Variants in SLC27A4 observed in about 807,000 individuals in gnomAD.
The protein encoded by SLC27A4 is long-chain fatty acid transport protein 4.
A neutral mutation model predicts 64.4 loss-of-function variants in SLC27A4; 33 were observed. The ratio of observed to expected loss-of-function variants is 0.51; its 90% CI spans 0.39 to 0.68. The LOEUF (loss-of-function observed/expected upper bound fraction) is 0.68. Among genes scored for constraint, SLC27A4 ranks in the 30% least tolerant of loss-of-function variants. The probability of loss-of-function intolerance (pLI) is 0.00; values close to 1 mark genes in which losing one functional copy is unlikely to be tolerated. For missense variants in SLC27A4, 824 were observed against 883.5 expected (o/e 0.93, Z 0.85); for synonymous variants, 377 against 370.0 (o/e 1.02, Z -0.22).
intron 12 of SLC27A4, among the ~76,000 whole-genome samples, chr9:128,356,138 G>C (rs1832817640): frequency 6.6e-6 from 1 of 152,188 alleles, no homozygotes; most frequent in Non-Finnish European, 1.5e-5. Context: ...CATGAGATTA[G>C]AGTTAAACAG....
chr9:128,357,073 TACAGAGTGAGACTCCGTCTCAAA>T (rs1832830753), intron 12 of SLC27A4, among the ~76,000 whole-genome samples: 1 of 75,432 alleles, frequency 1.3e-5, no homozygotes, highest in African/African-American at 5.3e-5. Flanking sequence ...CAGCTTGGGC[TACAGAGTGAGACTCCGTCTCAAA>T]AAAAAAAAAA....
intron 4 of SLC27A4, 95 bp from the exon 5 acceptor site, chr9:128,350,217 G>A (rs1832712168): frequency 3.2e-6 from 3 of 940,108 alleles, no homozygotes; most frequent in Non-Finnish European, 5.2e-6. Context: ...ATGGGAACAG[G>A]TGTTGAAGGG....
chr9:128,342,194 C>T (rs755584893), intron 1 of SLC27A4: 18 of 1,550,338 alleles, frequency 1.2e-5, no homozygotes, highest in Admixed American at 5.0e-5. Flanking sequence ...AGACTTCGCT[C>T]GTTCTCGCAT....
chr9:128,354,032 C>T (rs981455264), intron 9 of SLC27A4, among the ~76,000 whole-genome samples: 5 of 151,930 alleles, frequency 3.3e-5, no homozygotes, highest in East Asian at 1.9e-4. Flanking sequence ...CGTGAGCCAC[C>T]GCGCCCGGCC....
At chr9:128,343,085 A>G in intron 1 of SLC27A4, 42 bp from the exon 2 acceptor site, 1 of 1,610,284 alleles carries the variant, frequency 6.2e-7, no homozygotes, top group Non-Finnish European at 8.5e-7. Flanking sequence ...GGAGACCTGG[A>G]GGGTTGGGTG....
chr9:128,357,889 CG>C (rs1003222959), intron 12 of SLC27A4, among the ~76,000 whole-genome samples: 2 of 152,134 alleles, frequency 1.3e-5, no homozygotes, highest in Non-Finnish European at 2.9e-5. Flanking sequence ...CCTAAAGCAT[CG>C]GGGAGGGTTT....
At position 128,355,464 on chromosome 9, in the gene SLC27A4, G is replaced by C. The variant is rs764219842; in HGVS notation, c.1529G>C (p.Arg510Pro). The change falls in exon 11 of 13, where the codon CGC becomes CCC. Residue 510 changes from arginine to proline, a missense_variant. Physicochemically the swap from Arg to Pro is moderately radical, Grantham distance 103 (BLOSUM62 -2). Transcript: ENST00000300456. ...YFRDRTGDTF[R>P]WKGENVSTTE... The stretch of plus-strand genomic sequence containing the variant: ...CGAGACCGCACTGGGGACACGTTCC[G>C]CTGGAAAGGTGAGAACGTGTCCACC... 1 of 1,613,640 alleles carries C rather than the reference G, an allele frequency of 6.2e-7. No individual in the cohort carries two copies. Among genetic ancestry groups the C allele is most frequent in the Non-Finnish European group, 8.5e-7 (1 of 1,180,036 alleles).
chr9:128,342,601 G>A (rs547428791), intron 1 of SLC27A4: 3 of 490,440 alleles, frequency 6.1e-6, no homozygotes, highest in African/African-American at 5.9e-5. Flanking sequence ...GGAAGAAGTG[G>A]GGTGGGACGA....
At chr9:128,357,220 C>A (rs1444509485) in intron 12 of SLC27A4, among the ~76,000 whole-genome samples, 1 of 148,480 alleles carries the variant, frequency 6.7e-6, no homozygotes, top group Non-Finnish European at 1.5e-5. Flanking sequence ...CGAGACCGTG[C>A]CACTGCACTC....
At chr9:128,344,724 C>G (rs892459712) in intron 2 of SLC27A4, among the ~76,000 whole-genome samples, 1 of 151,984 alleles carries the variant, frequency 6.6e-6, no homozygotes, top group South Asian at 2.1e-4. Context: ...CATGGTGGGT[C>G]GAGGGAGCAG....
intron 1 of SLC27A4, among the ~76,000 whole-genome samples, chr9:128,341,090 A>G (rs555454789): frequency 2.0e-5 from 3 of 152,280 alleles, no homozygotes; most frequent in South Asian, 4.1e-4. Context: ...CCCCTCTGCT[A>G]TGGCGGGCTA....
intron 6 of SLC27A4, 123 bp downstream of exon 6, chr9:128,350,698 G>A: frequency 1.2e-6 from 1 of 805,182 alleles, no homozygotes; most frequent in Non-Finnish European, 2.1e-6. Context: ...ACTCACACCT[G>A]TAATCCCAGC....
At chr9:128,359,171 A>G (rs1832862931) in intron 12 of SLC27A4, among the ~76,000 whole-genome samples, 1 of 152,318 alleles carries the variant, frequency 6.6e-6, no homozygotes, top group South Asian at 2.1e-4. Context: ...CAGTCTTCTC[A>G]TCTGTACAGG....
Position 128,345,354 on chromosome 9 carries a change from C to G in SLC27A4, c.361C>G (p.Arg121Gly). The G allele has an allele frequency of 5.0e-6, 8 of 1,613,754 alleles. No individual in the cohort carries two copies. Among genetic ancestry groups the G allele is most frequent in the Non-Finnish European group, 6.8e-6 (8 of 1,179,998 alleles). ...SSSVANFLQARGLASGDVAAI... is the reference protein window; with the variant it reads ...SSSVANFLQAGGLASGDVAAI... ...CAGTGTAGCCAACTTCCTGCAGGCCCGGGGCCTGGCCTCGGGCGATGTGGC... is the reference window on the plus strand; with the variant it reads ...CAGTGTAGCCAACTTCCTGCAGGCCGGGGGCCTGGCCTCGGGCGATGTGGC... The change falls in exon 3 of 13, where the codon CGG becomes GGG. Residue 121 changes from arginine to glycine, a missense_variant. By Grantham distance (125) the Arg-to-Gly change is moderately radical (BLOSUM62 -2). Transcript: ENST00000300456. The surrounding 1 kb of genome is among the most constrained non-coding windows in gnomAD (Gnocchi z 4.1).
intron 4 of SLC27A4, among the ~76,000 whole-genome samples, chr9:128,349,894 C>T (rs968866979): frequency 5.9e-5 from 9 of 152,204 alleles, no homozygotes; most frequent in Admixed American, 2.6e-4. Flanking sequence ...TCACCTTTAT[C>T]GTGAAGCCCA....
chr9:128,355,898 C>A, intron 12 of SLC27A4, 102 bp downstream of exon 12: 1 of 1,517,666 alleles, frequency 6.6e-7, no homozygotes, highest in Non-Finnish European at 9.0e-7. Context: ...CACAGCCTGG[C>A]CGGGCAGTTG....
At chr9:128,346,673 G>C in intron 3 of SLC27A4, among the ~76,000 whole-genome samples, 1 of 151,854 alleles carries the variant, frequency 6.6e-6, no homozygotes, top group Non-Finnish European at 1.5e-5. Flanking sequence ...CTTCACTCTA[G>C]CCTGGCAGAC....
chr9:128,345,368 G>C lies in SLC27A4; in HGVS notation c.375G>C (p.Ser125=). 6.2e-7 allele frequency: 1 copy of C among 1,613,738 alleles called. No individual in the cohort carries two copies. The highest frequency in any genetic ancestry group is 8.5e-7 in the Non-Finnish European group (1 of 1,180,002). ...TCCTGCAGGCCCGGGGCCTGGCCTC[G>C]GGCGATGTGGCTGCCATCTTCATGG... ...ANFLQARGLA[S]GDVAAIFMEN... Residue 125 remains serine (S), a synonymous_variant, in exon 3 of 13, where the codon TCG becomes TCC. Transcript: ENST00000300456. This position sits in a 1 kb window ranked among gnomAD's most constrained non-coding sequence, Gnocchi z 4.1.
At position 128,353,989 on chromosome 9, in the gene SLC27A4, C is replaced by T. The variant is rs1030351296; in HGVS notation, c.1324+448C>T. On this transcript the variant is annotated intron_variant, in intron 9 of 12. Coordinates refer to ENST00000300456, the MANE Select transcript of SLC27A4 (RefSeq NM_005094.4). The surrounding 1 kb of genome is among the most constrained non-coding windows in gnomAD (Gnocchi z 4.9). ...CGATCTCCTGACCTCGTGATCCGCCCGCCTCGGCCTCCCAAAGTGCTGGGA... is the reference window on the plus strand; with the variant it reads ...CGATCTCCTGACCTCGTGATCCGCCTGCCTCGGCCTCCCAAAGTGCTGGGA... Among the ~76,000 whole-genome samples, 1 of 151,522 alleles carries T rather than the reference C, an allele frequency of 6.6e-6. No individual in the cohort carries two copies. Among genetic ancestry groups the T allele is most frequent in the Admixed American group, 6.6e-5 (1 of 15,224 alleles).
Sources: allele counts gnomAD v4.1 joint callset (sites outside exome capture counted in the v4.1 genomes callset), GRCh38; gene constraint gnomAD v4.1.1; non-coding constraint Gnocchi (gnomAD v3.1); transcripts MANE v1.5; gene names NCBI Gene and HGNC (gene_info 2026-07-23, HGNC 2026-07-21).